Variants in LRCH3 observed in about 807,000 individuals in gnomAD.
The protein encoded by LRCH3 is leucine rich repeats and calponin homology domain containing 3.
In LRCH3, 68 loss-of-function variants were observed where a neutral mutation model predicts 104.5. The ratio of observed to expected loss-of-function variants is 0.65; its 90% CI spans 0.54 to 0.80. The LOEUF (loss-of-function observed/expected upper bound fraction) is 0.80. LRCH3 is among the 30% of genes least tolerant of loss of function. LRCH3 has a pLI of 0.00. For synonymous variants in LRCH3, 344 were observed against 361.3 expected, an observed-to-expected ratio of 0.95 and a Z score of 0.54; for missense variants, 951 against 953.9, an observed-to-expected ratio of 1.00 and a Z score of 0.04.
intron 4 of LRCH3, 30 bp downstream of exon 4, chr3:197,820,460 A>T (rs371004424): frequency 3.7e-6 from 5 of 1,356,096 alleles, no homozygotes; most frequent in Non-Finnish European, 5.2e-6. Context: ...GAAACCATGA[A>T]ATAATTGTTT....
rs1343753742 is a variant in LRCH3 at position 197,870,266 on chromosome 3, C to T, written c.1980C>T (p.Asp660=). The T allele has an allele frequency of 2.5e-6, 4 of 1,612,730 alleles. No homozygotes were observed. Among genetic ancestry groups the T allele is most frequent in the Non-Finnish European group, 8.5e-7 (1 of 1,178,914 alleles). The change falls in exon 18 of 21, where the codon GAC becomes GAT. Residue 660 remains aspartate, a synonymous_variant. Coordinates refer to ENST00000425562, the MANE Select transcript of LRCH3 (RefSeq NM_001365715.1). ...RQREEELELI[D]QLRKHIEYRL... ...GAGAAGAAGAGCTGGAATTAATAGACCAACTGCGTAAAGTATGTACATTAC... is the reference window on the plus strand; with the variant it reads ...GAGAAGAAGAGCTGGAATTAATAGATCAACTGCGTAAAGTATGTACATTAC...
At chr3:197,806,565 T>C (rs1362852273) in intron 1 of LRCH3, among the ~76,000 whole-genome samples, 2 of 151,770 alleles carry the variant, frequency 1.3e-5, no homozygotes, top group East Asian at 3.9e-4. Flanking sequence ...ACATGAAATA[T>C]AATAAGGGTC....
intron 1 of LRCH3, among the ~76,000 whole-genome samples, chr3:197,803,355 G>T (rs967855565): frequency 2.6e-5 from 4 of 152,048 alleles, no homozygotes; most frequent in African/African-American, 9.7e-5. Flanking sequence ...AATCACCTGG[G>T]GCTCTTTTTA....
chr3:197,830,937 C>T, intron 7 of LRCH3, 74 bp downstream of exon 7: 1 of 1,274,162 alleles, frequency 7.8e-7, no homozygotes, highest in African/African-American at 1.5e-5. Context: ...TGAAAAGCGT[C>T]TTAACTGGAT....
intron 9 of LRCH3, among the ~76,000 whole-genome samples, chr3:197,836,633 G>T (rs1736835941): frequency 6.6e-6 from 1 of 152,148 alleles, no homozygotes; most frequent in Admixed American, 6.5e-5. Context: ...GAAAAAAAAA[G>T]AAATAGAGAA....
chr3:197,878,842 C>T (rs1210373584), intron 20 of LRCH3, among the ~76,000 whole-genome samples: 1 of 152,192 alleles, frequency 6.6e-6, no homozygotes, highest in Non-Finnish European at 1.5e-5. Flanking sequence ...CTTAAACATC[C>T]CCACTTTGCT....
chr3:197,866,146 T>C lies in LRCH3; in HGVS notation c.1800T>C (p.Ala600=). The C allele has an allele frequency of 3.1e-6, 5 of 1,614,132 alleles. No individual in the cohort carries two copies. Among genetic ancestry groups the C allele is most frequent in the Non-Finnish European group, 4.2e-6 (5 of 1,179,964 alleles). ...CCCCTGCATATTCTTTTCCTGCTGCTATCCAGAGAAATCAGCCTCAGCGCC... is the reference window on the plus strand; with the variant it reads ...CCCCTGCATATTCTTTTCCTGCTGCCATCCAGAGAAATCAGCCTCAGCGCC... ...HHSPAYSFPA[A]IQRNQPQRPE... The change falls in exon 17 of 21, where the codon GCT becomes GCC. Residue 600 remains alanine (A), a synonymous_variant. Transcript: ENST00000425562.
At chr3:197,828,462 C>T (rs1279374257) in intron 5 of LRCH3, among the ~76,000 whole-genome samples, 1 of 151,906 alleles carries the variant, frequency 6.6e-6, no homozygotes, top group Non-Finnish European at 1.5e-5. Flanking sequence ...TCTTCTGCCT[C>T]AGCTTCCCAA....
chr3:197,814,990 T>G lies in LRCH3; in HGVS notation c.345T>G (p.Asn115Lys). ...VSLENLNLYQ[N>K]CIRYIPEAIL... is the part of the protein sequence containing the mutation. ...TGGAAAATCTCAACTTGTACCAAAATTGTATTCGTTATATTCCAGAGGCAA... is the reference window on the plus strand; with the variant it reads ...TGGAAAATCTCAACTTGTACCAAAAGTGTATTCGTTATATTCCAGAGGCAA... Residue 115 changes from asparagine (N) to lysine (K), a missense_variant, in exon 2 of 21, where the codon AAT (asparagine) becomes AAG (lysine). Asn to Lys is a moderately conservative substitution (Grantham distance 94). Coordinates refer to ENST00000425562, the MANE Select transcript of LRCH3 (RefSeq NM_001365715.1). The G allele has an allele frequency of 6.3e-7, 1 of 1,585,290 alleles. No homozygotes were observed. The highest frequency in any genetic ancestry group is 8.6e-7 in the Non-Finnish European group (1 of 1,159,490).
At position 197,870,241 on chromosome 3, in the gene LRCH3, GAGA is replaced by G. The variant is rs759920668; in HGVS notation, c.1962_1964del (p.Glu655del). 8.7e-6 allele frequency: 14 copies of G among 1,613,310 alleles called. No individual in the cohort carries two copies. The highest frequency in any genetic ancestry group is 6.7e-5 in the East Asian group (3 of 44,888). ...ATAACAGGACAGAATTCAAGACAGA[GAGA>G]AGAAGAGCTGGAATTAATAGACCAA... On this transcript the variant is annotated inframe_deletion, in exon 18 of 21. Transcript: ENST00000425562.
chr3:197,882,267 C>A, intron 20 of LRCH3: 1 of 985,422 alleles, frequency 1.0e-6, no homozygotes, highest in Non-Finnish European at 1.2e-6. Flanking sequence ...AAGCACGTCT[C>A]TTCCGACAGC....
At chr3:197,839,252 T>C in intron 9 of LRCH3, 69 bp from the exon 10 acceptor site, 2 of 952,610 alleles carry the variant, frequency 2.1e-6, no homozygotes, top group Non-Finnish European at 3.2e-6. Context: ...ACAAATTGGA[T>C]GTGAACTGTG....
At chr3:197,808,540 T>C (rs1732756101) in intron 1 of LRCH3, among the ~76,000 whole-genome samples, 1 of 151,076 alleles carries the variant, frequency 6.6e-6, no homozygotes, top group Non-Finnish European at 1.5e-5. Flanking sequence ...GAGAATGTGT[T>C]GATCTCCTCT....
At chr3:197,792,456 T>C (rs1375128242) in intron 1 of LRCH3, among the ~76,000 whole-genome samples, 3 of 149,340 alleles carry the variant, frequency 2.0e-5, no homozygotes, top group Non-Finnish European at 3.0e-5. Flanking sequence ...TTCATCATCA[T>C]GTTTGCAGTG....
intron 12 of LRCH3, among the ~76,000 whole-genome samples, chr3:197,851,687 A>G (rs1029885218): frequency 5.9e-5 from 9 of 152,218 alleles, no homozygotes; most frequent in African/African-American, 2.2e-4. Flanking sequence ...TTATGGATAT[A>G]CCTAATGCTT....
At chr3:197,877,880 T>G (rs1265842639) in intron 20 of LRCH3, among the ~76,000 whole-genome samples, 2 of 152,202 alleles carry the variant, frequency 1.3e-5, no homozygotes, top group Non-Finnish European at 2.9e-5. Flanking sequence ...CGTTTTTATA[T>G]TATGTTGTTT....
intron 8 of LRCH3, among the ~76,000 whole-genome samples, chr3:197,832,888 GAATTT>G (rs1387673221): frequency 7.2e-5 from 11 of 151,990 alleles, no homozygotes; most frequent in Admixed American, 5.2e-4. Context: ...GAATTGGTTT[GAATTT>G]AATGTTTAAT....
chr3:197,818,357 A>T (rs1307445477), intron 3 of LRCH3, among the ~76,000 whole-genome samples: 2 of 152,072 alleles, frequency 1.3e-5, no homozygotes, highest in Non-Finnish European at 2.9e-5. Flanking sequence ...GACTACCTTA[A>T]CTCTTTCTGA....
At chr3:197,882,451 A>T in intron 20 of LRCH3, 1 of 950,276 alleles carries the variant, frequency 1.1e-6, no homozygotes, top group Non-Finnish European at 1.3e-6. Flanking sequence ...CCTCAAAAAT[A>T]CTTGTTATAT....
Sources: allele counts gnomAD v4.1 joint callset (sites outside exome capture counted in the v4.1 genomes callset), GRCh38; gene constraint gnomAD v4.1.1; transcripts MANE v1.5; gene names NCBI Gene and HGNC (gene_info 2026-07-23, HGNC 2026-07-21).